Variants in SUMF1 observed in about 807,000 individuals in gnomAD.
SUMF1 encodes formylglycine-generating enzyme.
In SUMF1, 48 loss-of-function variants were observed where a neutral mutation model predicts 47.6. The observed-to-expected ratio is 1.01, with a 90% CI of 0.80 to 1.28. The LOEUF is 1.28. Among genes scored for constraint, SUMF1 ranks in the 50% most tolerant of loss-of-function variants. The pLI, the probability that SUMF1 is intolerant of heterozygous loss-of-function variation, is 0.00. For missense variants in SUMF1, 571 were observed against 485.4 expected (o/e 1.18, Z -1.66); for synonymous variants, 230 against 192.1 (o/e 1.20, Z -1.63).
chr3:4,223,859 A>G (rs139510465), intron 8 of SUMF1, among the ~76,000 whole-genome samples: 2,416 of 152,274 alleles, frequency 0.016, 38 homozygotes, highest in Non-Finnish European at 0.027. Flanking sequence ...CTCATCTGCC[A>G]AATACCAACT....
intron 7 of SUMF1, among the ~76,000 whole-genome samples, chr3:4,380,992 C>A (rs1186887121): frequency 1.3e-5 from 2 of 152,232 alleles, no homozygotes; most frequent in African/African-American, 4.8e-5. Flanking sequence ...AGGAATGAGT[C>A]TGTAAGGAAG....
intron 8 of SUMF1, among the ~76,000 whole-genome samples, chr3:4,141,517 G>A (rs1694070239): frequency 6.6e-6 from 1 of 152,042 alleles, no homozygotes; most frequent in African/African-American, 2.4e-5. Context: ...TCATTTAAAT[G>A]TCAACTCAAG....
At chr3:4,386,078 T>G (rs917725255) in intron 7 of SUMF1, among the ~76,000 whole-genome samples, 1 of 152,192 alleles carries the variant, frequency 6.6e-6, no homozygotes, top group African/African-American at 2.4e-5. Flanking sequence ...TCCTCTCACA[T>G]TATTATTTTT....
At chr3:4,221,594 T>C (rs557088034) in intron 8 of SUMF1, among the ~76,000 whole-genome samples, 47 of 152,218 alleles carry the variant, frequency 3.1e-4, no homozygotes, top group African/African-American at 1.1e-3. Flanking sequence ...TCCATTACAA[T>C]GTGGACCTAT....
At chr3:4,161,517 A>G (rs1398239200) in intron 8 of SUMF1, among the ~76,000 whole-genome samples, 2 of 152,066 alleles carry the variant, frequency 1.3e-5, no homozygotes, top group East Asian at 1.9e-4. Context: ...ATCGTAAGAC[A>G]AAGTCCTTCC....
At chr3:4,450,212 T>A (rs1702923413) in intron 2 of SUMF1, among the ~76,000 whole-genome samples, 1 of 152,170 alleles carries the variant, frequency 6.6e-6, no homozygotes, top group Non-Finnish European at 1.5e-5. Context: ...CACAGCTAGT[T>A]GTTCTAATAC....
chr3:4,253,618 A>C (rs867430333), intron 8 of SUMF1, among the ~76,000 whole-genome samples: 3,314 of 151,076 alleles, frequency 0.022, 85 homozygotes, highest in African/African-American at 0.075. Context: ...CCTACGCCCA[A>C]GGAATCTCGC....
intron 8 of SUMF1, among the ~76,000 whole-genome samples, chr3:4,116,822 T>C (rs1056754142): frequency 1.3e-5 from 2 of 152,138 alleles, no homozygotes; most frequent in Admixed American, 1.3e-4. Context: ...ACTTCAATAC[T>C]TACTGAGATT....
At position 4,423,523 on chromosome 3, in the gene SUMF1, T is replaced by C. The variant is rs143301614; in HGVS notation, c.520-3377A>G. Among the ~76,000 whole-genome samples the C allele has an allele frequency of 7.3e-4, 111 of 152,314 alleles. 1 individual carries two copies. Among genetic ancestry groups the C allele is most frequent in the Middle Eastern group, 6.8e-3 (2 of 294 alleles). On this transcript the variant is annotated intron_variant, in intron 3 of 8. Transcript: ENST00000272902. ...AATTCAATCTGGTTACAAATGTTTA[T>C]TGAGCACCGACTGTATGGCTAGCAC...
chr3:4,102,380 C>T (rs548585026), intron 8 of SUMF1, among the ~76,000 whole-genome samples: 1 of 152,206 alleles, frequency 6.6e-6, no homozygotes, highest in South Asian at 2.1e-4. Flanking sequence ...TTAACAAGAA[C>T]ATAAGTTCCT....
intron 7 of SUMF1, among the ~76,000 whole-genome samples, chr3:4,409,873 C>T (rs151327638): frequency 1.3e-5 from 2 of 152,252 alleles, no homozygotes; most frequent in African/African-American, 4.8e-5. Flanking sequence ...ACTTTATTCC[C>T]GTATTCTGAA....
chr3:4,270,929 C>G (rs1697289773), intron 8 of SUMF1, among the ~76,000 whole-genome samples: 1 of 152,218 alleles, frequency 6.6e-6, no homozygotes, highest in African/African-American at 2.4e-5. Context: ...AAAACGGAAA[C>G]TGGTCAATTA....
At chr3:4,119,597 T>A (rs1283033386) in intron 8 of SUMF1, among the ~76,000 whole-genome samples, 1 of 152,138 alleles carries the variant, frequency 6.6e-6, no homozygotes, top group East Asian at 1.9e-4. Context: ...TATGAAGCCA[T>A]GCAGGGAAAA....
At chr3:4,153,810 G>T (rs1376905179) in intron 8 of SUMF1, among the ~76,000 whole-genome samples, 1 of 151,338 alleles carries the variant, frequency 6.6e-6, no homozygotes, top group Non-Finnish European at 1.5e-5. Flanking sequence ...GCCTACAATT[G>T]CTTTTAGAAT....
intron 8 of SUMF1, among the ~76,000 whole-genome samples, chr3:4,205,586 G>A (rs1310639013): frequency 6.6e-6 from 1 of 152,096 alleles, no homozygotes; most frequent in Admixed American, 6.5e-5. Context: ...GTATTCAAAG[G>A]GCATCGAGTG....
intron 8 of SUMF1, among the ~76,000 whole-genome samples, chr3:4,365,996 G>A (rs1699941121): frequency 6.6e-6 from 1 of 151,880 alleles, no homozygotes; most frequent in Non-Finnish European, 1.5e-5. Flanking sequence ...GGCTGGATAT[G>A]AAATTCTGGG....
chr3:4,247,130 A>AT (rs1696689068), intron 8 of SUMF1, among the ~76,000 whole-genome samples: 1 of 152,210 alleles, frequency 6.6e-6, no homozygotes, highest in African/African-American at 2.4e-5. Flanking sequence ...AAGGAGGCAT[A>AT]TTTTTTCACT....
chr3:4,095,247 A>G (rs2125056535), intron 8 of SUMF1, among the ~76,000 whole-genome samples: 1 of 152,266 alleles, frequency 6.6e-6, no homozygotes, highest in South Asian at 2.1e-4. Context: ...ACTCCAGAAC[A>G]GCTTTTAAAA....
In SUMF1 at chr3:4,410,887, G is replaced by A. The variant is rs552583949; in HGVS notation, c.932C>T (p.Ser311Phe). 13 of 1,614,024 alleles carry A rather than the reference G, an allele frequency of 8.1e-6. No individual in the cohort carries two copies. In the African/African-American group the frequency reaches 1.6e-4, roughly 20 times the overall value. ...CACTGGGTTAAGCGTTTCTTCAACA[G>A]AATGATGAACAGTCCACCAGTCTGA... ...WTSDWWTVHH[S>F]VEETLNPKGP... Residue 311 changes from serine (S) to phenylalanine (F), a missense_variant, in exon 7 of 9, where the codon TCT (serine) becomes TTT (phenylalanine). By Grantham distance (155) the Ser-to-Phe change is radical. Coordinates refer to ENST00000272902, the MANE Select transcript of SUMF1 (RefSeq NM_182760.4).
Sources: allele counts gnomAD v4.1 joint callset (sites outside exome capture counted in the v4.1 genomes callset), GRCh38; gene constraint gnomAD v4.1.1; transcripts MANE v1.5; gene names NCBI Gene and HGNC (gene_info 2026-07-23, HGNC 2026-07-21).